MCC: variants seen among roughly 807,000 people sequenced by gnomAD.
MCC encodes colorectal mutant cancer protein.
In MCC, 90 loss-of-function variants were observed where a neutral mutation model predicts 116.2. That is an observed-to-expected ratio of 0.77 (90% CI 0.65 to 0.92). The LOEUF is 0.92. Ranked by LOEUF, MCC falls within the 40% of genes least tolerant of loss-of-function variation. The pLI, the probability that MCC is intolerant of heterozygous loss-of-function variation, is 0.00. For synonymous variants in MCC, 578 were observed against 510.5 expected (o/e 1.13, Z -1.78); for missense variants, 1,516 against 1,312.2 (o/e 1.16, Z -2.40).
intron 3 of MCC, among the ~76,000 whole-genome samples, chr5:113,157,651 T>TTAAC (rs1419099516): frequency 6.6e-6 from 1 of 152,196 alleles, no homozygotes; most frequent in Non-Finnish European, 1.5e-5. Context: ...AAGTGCTAGT[T>TTAAC]TAACACTCAC....
chr5:113,052,127 C>T (rs968082748), intron 15 of MCC, among the ~76,000 whole-genome samples: 4 of 151,936 alleles, frequency 2.6e-5, no homozygotes, highest in Non-Finnish European at 5.9e-5. Flanking sequence ...AGTATTAGAA[C>T]TTTTATTCCA....
At chr5:113,405,298 A>C (rs1769797248) in intron 1 of MCC, among the ~76,000 whole-genome samples, 1 of 152,228 alleles carries the variant, frequency 6.6e-6, no homozygotes, top group African/African-American at 2.4e-5. Context: ...AGTTCCCTTC[A>C]GTTGTCCAAA....
At chr5:113,225,527 C>T (rs1199422139) in intron 3 of MCC, among the ~76,000 whole-genome samples, 1 of 152,200 alleles carries the variant, frequency 6.6e-6, no homozygotes, top group East Asian at 1.9e-4. Flanking sequence ...ATGACATTCT[C>T]CTAGTCATTC....
chr5:113,326,488 T>C (rs1232629705), intron 3 of MCC, among the ~76,000 whole-genome samples: 1 of 152,154 alleles, frequency 6.6e-6, no homozygotes, highest in Non-Finnish European at 1.5e-5. Context: ...GCAGAAGAGA[T>C]GGAAGGCCAA....
chr5:113,284,124 T>C (rs565715347), intron 3 of MCC, among the ~76,000 whole-genome samples: 2 of 152,352 alleles, frequency 1.3e-5, no homozygotes, highest in East Asian at 3.9e-4. Context: ...CTATCAGCAA[T>C]TATGTTTTTG....
At chr5:113,369,045 G>T (rs954098287) in intron 2 of MCC, among the ~76,000 whole-genome samples, 1 of 152,158 alleles carries the variant, frequency 6.6e-6, no homozygotes, top group Admixed American at 6.6e-5. Flanking sequence ...CATGGGTAAG[G>T]CATGTGGGAG....
At chr5:113,097,100 T>C (rs1756071970) in intron 8 of MCC, among the ~76,000 whole-genome samples, 1 of 152,100 alleles carries the variant, frequency 6.6e-6, no homozygotes, top group African/African-American at 2.4e-5. Context: ...AAATAAGAAA[T>C]GAACAAAGTT....
chr5:113,172,867 A>C (rs542058627), intron 3 of MCC, among the ~76,000 whole-genome samples: 1 of 149,312 alleles, frequency 6.7e-6, no homozygotes, highest in African/African-American at 2.5e-5. Flanking sequence ...ATGTGTAGAT[A>C]TATCACATAT....
At chr5:113,327,561 A>AAAAAAAATATAT (rs1480996383) in intron 3 of MCC, among the ~76,000 whole-genome samples, 4 of 80,562 alleles carry the variant, frequency 5.0e-5, no homozygotes, top group African/African-American at 2.0e-4. Flanking sequence ...AAAAAAAAAA[A>AAAAAAAATATAT]ATATATATAT....
intron 2 of MCC, among the ~76,000 whole-genome samples, chr5:113,352,450 C>T (rs1260274907): frequency 1.3e-5 from 2 of 152,000 alleles, no homozygotes; most frequent in East Asian, 3.9e-4. Flanking sequence ...CTCTCTTTCT[C>T]CTGTCTTCCC....
At chr5:113,349,786 G>GA (rs1272744743) in intron 2 of MCC, among the ~76,000 whole-genome samples, 1 of 151,936 alleles carries the variant, frequency 6.6e-6, no homozygotes, top group South Asian at 2.1e-4. Flanking sequence ...CTTATATTTG[G>GA]AAAAAACTAA....
chr5:113,060,582 T>C (rs1403762361), intron 14 of MCC, among the ~76,000 whole-genome samples: 1 of 152,236 alleles, frequency 6.6e-6, no homozygotes, highest in African/African-American at 2.4e-5. Flanking sequence ...TGGAGAACTT[T>C]ACCATCCTAT....
intron 3 of MCC, among the ~76,000 whole-genome samples, chr5:113,295,576 G>C (rs1319720076): frequency 6.8e-6 from 1 of 146,788 alleles, no homozygotes; most frequent in South Asian, 2.1e-4. Context: ...TTAATTGAGC[G>C]GAGGTAGAGT....
rs181652690 is a variant in MCC at position 113,385,772 on chromosome 5, G to A, written c.171-560C>T. On this transcript the variant is annotated intron_variant, in intron 1 of 18. Coordinates refer to ENST00000408903, the MANE Select transcript of MCC (RefSeq NM_001085377.2). ...TACCTTTGGTTTTTCCTGCTTTTGA[G>A]TATTTTCCACCTTCCCACAAGCAAT... 3.7e-3 allele frequency among the ~76,000 whole-genome samples: 567 copies of A among 152,218 alleles called. 13 individuals are homozygous for A. Among genetic ancestry groups the A allele is most frequent in the Admixed American group, 0.034 (525 of 15,286 alleles).
intron 1 of MCC, among the ~76,000 whole-genome samples, chr5:113,390,895 T>C (rs1462078858): frequency 6.6e-6 from 1 of 152,186 alleles, no homozygotes; most frequent in Non-Finnish European, 1.5e-5. Flanking sequence ...AAAACTTATT[T>C]TGCCCCAAAT....
At chr5:113,437,464 G>C (rs146772239) in intron 1 of MCC, among the ~76,000 whole-genome samples, 8 of 152,228 alleles carry the variant, frequency 5.3e-5, no homozygotes, top group African/African-American at 1.9e-4. Context: ...TGAGGTATGA[G>C]GTATTCACTC....
intron 3 of MCC, among the ~76,000 whole-genome samples, chr5:113,309,067 A>G (rs963533000): frequency 2.0e-5 from 3 of 152,340 alleles, no homozygotes; most frequent in African/African-American, 7.2e-5. Flanking sequence ...TATCAAAGAT[A>G]CTCAATTACA....
chr5:113,330,368 C>A (rs1767669730), intron 3 of MCC, among the ~76,000 whole-genome samples: 1 of 152,184 alleles, frequency 6.6e-6, no homozygotes, highest in Middle Eastern at 3.2e-3. Context: ...AGAATACATT[C>A]CTGTACCTTT....
intron 4 of MCC, among the ~76,000 whole-genome samples, chr5:113,148,283 A>G (rs1418420636): frequency 6.6e-6 from 1 of 152,238 alleles, no homozygotes; most frequent in East Asian, 1.9e-4. Flanking sequence ...TTATACAGCA[A>G]TAGAAAATTA....
Sources: allele counts gnomAD v4.1 joint callset (sites outside exome capture counted in the v4.1 genomes callset), GRCh38; gene constraint gnomAD v4.1.1; transcripts MANE v1.5; gene names NCBI Gene and HGNC (gene_info 2026-07-23, HGNC 2026-07-21).